Variants in KDM4B observed in about 807,000 individuals in gnomAD.
KDM4B encodes the protein lysine demethylase 4B.
A neutral mutation model predicts 125.2 loss-of-function variants in KDM4B; 32 were observed. The observed-to-expected ratio is 0.26, with a 90% CI of 0.19 to 0.34. The LOEUF (loss-of-function observed/expected upper bound fraction) is 0.34, where lower values mean the gene tolerates loss of function less well. KDM4B is among the 10% of genes least tolerant of loss of function. The probability of loss-of-function intolerance (pLI) is 1.00; values close to 1 mark genes in which losing one functional copy is unlikely to be tolerated. For synonymous variants in KDM4B, 721 were observed against 677.9 expected, an observed-to-expected ratio of 1.06 and a Z score of -0.99; for missense variants, 1,190 against 1,577.7, an observed-to-expected ratio of 0.75 and a Z score of 4.16.
intron 21 of KDM4B, among the ~76,000 whole-genome samples, chr19:5,150,139 T>A (rs1233143337): frequency 6.6e-6 from 1 of 152,234 alleles, no homozygotes; most frequent in Non-Finnish European, 1.5e-5. Flanking sequence ...TGTCCCGTCC[T>A]CCGTCATCCT....
intron 19 of KDM4B, 38 bp downstream of exon 19, chr19:5,144,190 C>G: frequency 1.9e-6 from 3 of 1,583,440 alleles, no homozygotes; most frequent in Non-Finnish European, 1.7e-6. Context: ...CAGCCCCTGG[C>G]TCCCGCCCCC....
intron 1 of KDM4B, among the ~76,000 whole-genome samples, chr19:5,014,995 A>C (rs2035848541): frequency 7.1e-6 from 1 of 141,120 alleles, no homozygotes. Context: ...AGTCCGTCTC[A>C]AAAAAAAAAA....
chr19:5,147,787 C>A (rs887196236), intron 21 of KDM4B, among the ~76,000 whole-genome samples: 1 of 148,218 alleles, frequency 6.7e-6, no homozygotes, highest in Non-Finnish European at 1.5e-5. Flanking sequence ...GTGCTCGGGG[C>A]GGGGGGGCAG....
chr19:5,149,137 G>A (rs1342213588), intron 21 of KDM4B, among the ~76,000 whole-genome samples: 2 of 152,254 alleles, frequency 1.3e-5, no homozygotes, highest in South Asian at 2.1e-4. Flanking sequence ...GGACCGGCAG[G>A]CTTGGCTGCC....
chr19:5,119,879 C>A, intron 11 of KDM4B, 27 bp downstream of exon 11: 1 of 1,542,578 alleles, frequency 6.5e-7, no homozygotes, highest in Non-Finnish European at 8.7e-7. Flanking sequence ...CCAGGCCTGG[C>A]ACCGCTGTTT....
At chr19:5,045,303 C>T (rs978810048) in intron 5 of KDM4B, among the ~76,000 whole-genome samples, 2 of 152,222 alleles carry the variant, frequency 1.3e-5, no homozygotes, top group East Asian at 1.9e-4. Flanking sequence ...TGGCTGCCTT[C>T]GCGGCGGGGC....
chr19:5,132,915 T>G (rs969193932), intron 13 of KDM4B, among the ~76,000 whole-genome samples: 1 of 151,786 alleles, frequency 6.6e-6, no homozygotes, highest in Non-Finnish European at 1.5e-5. Context: ...CTGGTTTGGG[T>G]TTTCAGAGGA....
At chr19:4,969,519 G>C (rs1355892905) in intron 1 of KDM4B, among the ~76,000 whole-genome samples, 2 of 150,090 alleles carry the variant, frequency 1.3e-5, no homozygotes, top group African/African-American at 4.9e-5. Context: ...GGCCGGGGGC[G>C]CGCGGGGGCT....
intron 11 of KDM4B, among the ~76,000 whole-genome samples, chr19:5,121,883 T>G (rs2039368219): frequency 6.6e-6 from 1 of 152,016 alleles, no homozygotes; most frequent in African/African-American, 2.4e-5. Context: ...AAGGCAGGGC[T>G]TGCCACAGAG....
At chr19:5,067,437 G>A (rs1382973932) in intron 6 of KDM4B, among the ~76,000 whole-genome samples, 1 of 152,218 alleles carries the variant, frequency 6.6e-6, no homozygotes, top group Non-Finnish European at 1.5e-5. Flanking sequence ...CAGAGGGCTG[G>A]CCACACACAG....
At position 5,136,053 on chromosome 19, in the gene KDM4B, A is replaced by G. The variant is rs190990833; in HGVS notation, c.2308+492A>G. ...TCCCTGAGAATGGCTGTCTCTGCCA[A>G]GCAGCCTTTGGGGGCAAACATCCCT... On this transcript the variant is annotated intron_variant, in intron 15 of 22. Transcript: ENST00000159111. Among the ~76,000 whole-genome samples, 359 of 152,344 alleles carry G rather than the reference A, an allele frequency of 2.4e-3. 9 individuals are homozygous for G. The highest frequency in any genetic ancestry group is 0.022 in the Admixed American group (337 of 15,304).
intron 6 of KDM4B, among the ~76,000 whole-genome samples, chr19:5,049,836 C>A (rs1452798848): frequency 6.6e-6 from 1 of 152,148 alleles, no homozygotes; most frequent in Admixed American, 6.5e-5. Flanking sequence ...GGTGACTTGC[C>A]GGAGCCTCTT....
intron 1 of KDM4B, among the ~76,000 whole-genome samples, chr19:5,013,789 C>T (rs2035803650): frequency 6.6e-6 from 1 of 152,252 alleles, no homozygotes; most frequent in South Asian, 2.1e-4. Context: ...GAAATAGTCC[C>T]AGGGTCTGGG....
At chr19:5,004,134 C>A (rs934818586) in intron 1 of KDM4B, among the ~76,000 whole-genome samples, 8 of 152,140 alleles carry the variant, frequency 5.3e-5, no homozygotes, top group African/African-American at 9.7e-5. Flanking sequence ...CGGTGGATGG[C>A]GTGTGTCCTG....
intron 6 of KDM4B, among the ~76,000 whole-genome samples, chr19:5,048,110 G>A (rs1308264140): frequency 6.6e-6 from 1 of 152,202 alleles, no homozygotes; most frequent in African/African-American, 2.4e-5. Context: ...GCCCTGGCAC[G>A]TCTGGGCCAG....
chr19:5,111,593 C>A, intron 10 of KDM4B: 1 of 734,526 alleles, frequency 1.4e-6, no homozygotes, highest in South Asian at 1.4e-5. Flanking sequence ...TCCAGGCTTC[C>A]AGGGCTCTGA....
At chr19:4,972,903 C>A (rs1471072408) in intron 1 of KDM4B, among the ~76,000 whole-genome samples, 1 of 152,178 alleles carries the variant, frequency 6.6e-6, no homozygotes, top group Non-Finnish European at 1.5e-5. Context: ...TGAGGGGCAG[C>A]CCGGCATCTG....
At chr19:5,024,920 C>T (rs2036232528) in intron 2 of KDM4B, among the ~76,000 whole-genome samples, 1 of 152,232 alleles carries the variant, frequency 6.6e-6, no homozygotes, top group Non-Finnish European at 1.5e-5. Context: ...TGCACTTCAG[C>T]CTGACTGACA....
chr19:5,030,902 C>T (rs576461722), intron 2 of KDM4B, among the ~76,000 whole-genome samples: 2 of 152,228 alleles, frequency 1.3e-5, no homozygotes, highest in Non-Finnish European at 2.9e-5. Flanking sequence ...GGCCTTTGGC[C>T]CGGCCTCTGA....
Sources: allele counts gnomAD v4.1 joint callset (sites outside exome capture counted in the v4.1 genomes callset), GRCh38; gene constraint gnomAD v4.1.1; transcripts MANE v1.5; gene names NCBI Gene and HGNC (gene_info 2026-07-23, HGNC 2026-07-21).